The following NBEAL1 variants were observed in gnomAD, a reference collection of about 807,000 sequenced individuals.
NBEAL1 encodes neurobeachin-like protein 1.
NBEAL1 carries 273 observed loss-of-function variants against 351.3 expected under a neutral mutation model. That is an observed-to-expected ratio of 0.78 (90% CI 0.70 to 0.86). The LOEUF is 0.86. Ranked by LOEUF, NBEAL1 falls within the 40% of genes least tolerant of loss-of-function variation. NBEAL1 has a pLI of 0.00. For synonymous variants in NBEAL1, 1,050 were observed against 1,086.4 expected (o/e 0.97, Z 0.66); for missense variants, 2,961 against 3,201.3 (o/e 0.92, Z 1.81).
At chr2:203,163,089 AGAGGTTGCAGT>A (rs1190937484) in intron 36 of NBEAL1, among the ~76,000 whole-genome samples, 1 of 152,214 alleles carries the variant, frequency 6.6e-6, no homozygotes, top group Non-Finnish European at 1.5e-5. Flanking sequence ...CCTGGGAGAA[AGAGGTTGCAGT>A]GAGCTGAGAT....
At chr2:203,209,037 T>A (rs1401874255) in intron 52 of NBEAL1, 124 bp from the exon 53 acceptor site, 3 of 776,652 alleles carry the variant, frequency 3.9e-6, no homozygotes, top group African/African-American at 1.7e-5. Flanking sequence ...GCATGTATCC[T>A]TGATGGAATA....
At chr2:203,109,614 G>C (rs1481256946) in intron 14 of NBEAL1, among the ~76,000 whole-genome samples, 2 of 151,986 alleles carry the variant, frequency 1.3e-5, no homozygotes, top group African/African-American at 4.8e-5. Flanking sequence ...CCACCTCCCA[G>C]GTTCAAGCGA....
At chr2:203,116,905 C>T (rs972241828) in intron 18 of NBEAL1, among the ~76,000 whole-genome samples, 1 of 151,556 alleles carries the variant, frequency 6.6e-6, no homozygotes, top group African/African-American at 2.4e-5. Flanking sequence ...AGTTCGAGAC[C>T]AACTTGGCCA....
intron 23 of NBEAL1, among the ~76,000 whole-genome samples, chr2:203,127,181 G>A (rs1420743396): frequency 6.6e-6 from 1 of 152,150 alleles, no homozygotes; most frequent in Non-Finnish European, 1.5e-5. Context: ...TTTTTGAAAG[G>A]AGATAAGAAA....
chr2:203,164,964 C>T (rs566035961), intron 36 of NBEAL1, among the ~76,000 whole-genome samples: 4 of 151,360 alleles, frequency 2.6e-5, no homozygotes, highest in Admixed American at 6.6e-5. Flanking sequence ...CAGATTCAAG[C>T]GATTCTTTTG....
At chr2:203,083,562 T>G (rs1222257082) in intron 9 of NBEAL1, 37 bp downstream of exon 9, 4 of 1,434,470 alleles carry the variant, frequency 2.8e-6, no homozygotes, top group Non-Finnish European at 3.7e-6. Flanking sequence ...TCTGAGTCTG[T>G]TTTTTATTTT....
At chr2:203,120,592 C>T (rs2062807844) in intron 18 of NBEAL1, among the ~76,000 whole-genome samples, 1 of 152,126 alleles carries the variant, frequency 6.6e-6, no homozygotes, top group Non-Finnish European at 1.5e-5. Context: ...GTATAGGACA[C>T]TGAGCAAGAG....
chr2:203,030,296 A>G (rs1373922361), intron 2 of NBEAL1, among the ~76,000 whole-genome samples: 3 of 152,192 alleles, frequency 2.0e-5, no homozygotes, highest in Non-Finnish European at 4.4e-5. Flanking sequence ...TAATGAAAGC[A>G]GAAACTTAGG....
Position 203,167,209 on chromosome 2 carries a change from G to C in NBEAL1, c.5864-18G>C. 6.3e-7 allele frequency: 1 copy of C among 1,596,570 alleles called. No homozygotes were observed. The highest frequency in any genetic ancestry group is 8.5e-7 in the Non-Finnish European group (1 of 1,172,982). ...ACTTTATATGGTATCTCAGTCACAA[G>C]ATTTCTTCCGTTTTCAGGAGTAGGC... On this transcript the variant is annotated intron_variant, in intron 37 of 55. Transcript: ENST00000683969.
At chr2:203,041,441 G>A (rs145056020) in intron 2 of NBEAL1, among the ~76,000 whole-genome samples, 1 of 152,316 alleles carries the variant, frequency 6.6e-6, no homozygotes, top group Non-Finnish European at 1.5e-5. Flanking sequence ...CCTTAGGGTG[G>A]GAGCATGTCT....
intron 55 of NBEAL1, among the ~76,000 whole-genome samples, chr2:203,214,479 A>G (rs1559072571): frequency 6.6e-6 from 1 of 152,228 alleles, no homozygotes. Context: ...GTGTCATTAA[A>G]TTAATGTTAT....
intron 5 of NBEAL1, 115 bp downstream of exon 5, chr2:203,056,623 A>G (rs1324305083): frequency 1.1e-5 from 7 of 662,400 alleles, no homozygotes; most frequent in African/African-American, 7.3e-5. Flanking sequence ...CTGGAGTGCA[A>G]TGGCCCGATC....
chr2:203,113,439 A>G (rs2062617615), intron 17 of NBEAL1, 121 bp downstream of exon 17: 2 of 596,970 alleles, frequency 3.4e-6, no homozygotes, highest in Non-Finnish European at 4.9e-6. Flanking sequence ...TTTCATGTGA[A>G]GAGTGTATTT....
intron 31 of NBEAL1, among the ~76,000 whole-genome samples, chr2:203,143,482 A>T (rs954601161): frequency 6.6e-6 from 1 of 152,206 alleles, no homozygotes; most frequent in Non-Finnish European, 1.5e-5. Flanking sequence ...TTAGAATTTC[A>T]TAGTTAAGGT....
intron 35 of NBEAL1, among the ~76,000 whole-genome samples, chr2:203,152,774 T>C (rs1222020504): frequency 2.0e-5 from 3 of 152,212 alleles, no homozygotes; most frequent in Non-Finnish European, 2.9e-5. Flanking sequence ...CAGTGGCTCA[T>C]GCCTGTAATC....
chr2:203,161,964 G>T (rs1342306607), intron 36 of NBEAL1, among the ~76,000 whole-genome samples: 1 of 149,832 alleles, frequency 6.7e-6, no homozygotes, highest in Non-Finnish European at 1.5e-5. Flanking sequence ...TTCATGATTT[G>T]TATATCTGCC....
chr2:203,033,344 T>A (rs1349252637), intron 2 of NBEAL1, among the ~76,000 whole-genome samples: 1 of 152,214 alleles, frequency 6.6e-6, no homozygotes, highest in East Asian at 1.9e-4. Context: ...TTATTGTATG[T>A]ATTTTCAGTT....
intron 38 of NBEAL1, among the ~76,000 whole-genome samples, chr2:203,168,631 C>T (rs1485115364): frequency 6.6e-6 from 1 of 151,898 alleles, no homozygotes; most frequent in Non-Finnish European, 1.5e-5. Context: ...TACGATAGCT[C>T]ACGCCTATAG....
chr2:203,066,129 T>C (rs970203157), intron 6 of NBEAL1, among the ~76,000 whole-genome samples: 1 of 152,222 alleles, frequency 6.6e-6, no homozygotes, highest in Non-Finnish European at 1.5e-5. Flanking sequence ...ACAGGAACTT[T>C]AGAATGAGTC....
Sources: allele counts gnomAD v4.1 joint callset (sites outside exome capture counted in the v4.1 genomes callset), GRCh38; gene constraint gnomAD v4.1.1; transcripts MANE v1.5; gene names NCBI Gene and HGNC (gene_info 2026-07-23, HGNC 2026-07-21).